The following INPP4A variants were observed in gnomAD, a reference collection of about 807,000 sequenced individuals.
The protein encoded by INPP4A is inositol polyphosphate-4-phosphatase type I A.
INPP4A carries 33 observed loss-of-function variants against 119.8 expected under a neutral mutation model. The ratio of observed to expected loss-of-function variants is 0.28; its 90% CI spans 0.21 to 0.37. The LOEUF (loss-of-function observed/expected upper bound fraction) is 0.37, where lower values mean the gene tolerates loss of function less well. INPP4A is among the 10% of genes least tolerant of loss of function. INPP4A has a pLI of 1.00. For missense variants in INPP4A, 956 were observed against 1,289.9 expected, an observed-to-expected ratio of 0.74 and a Z score of 3.97; for synonymous variants, 496 against 500.7, an observed-to-expected ratio of 0.99 and a Z score of 0.12.
chr2:98,587,535 A>G lies in INPP4A; in HGVS notation c.2846A>G (p.Asn949Ser). ...GTTGGAAGTCGCAAATATGCATTTA[A>G]TTCCCTGCAGCTGAAGGCTTTCCCC... ...KNVGSRKYAF[N>S]SLQLKAFPKH... The change falls in exon 25 of 25, where the codon AAT (asparagine) becomes AGT (serine). Residue 949 changes from asparagine (N) to serine (S), a missense_variant. Coordinates refer to ENST00000409851, the MANE Select transcript of INPP4A (RefSeq NM_001134225.2). 3.7e-6 allele frequency: 6 copies of G among 1,611,018 alleles called. No homozygotes were observed. The highest frequency in any genetic ancestry group is 5.1e-6 in the Non-Finnish European group (6 of 1,179,000).
At chr2:98,545,930 A>G (rs1692401462) in intron 11 of INPP4A, 39 bp from the exon 12 acceptor site, 1 of 1,434,144 alleles carries the variant, frequency 7.0e-7, no homozygotes, top group Non-Finnish European at 9.6e-7. Flanking sequence ...TGCAGCATGT[A>G]TGCTGATGGC....
chr2:98,468,833 A>G (rs72821907), intron 1 of INPP4A, among the ~76,000 whole-genome samples: 35,223 of 152,020 alleles, frequency 0.23, 4,344 homozygotes, highest in Middle Eastern at 0.32. Context: ...GAGAGACCCA[A>G]AGTCTCTACA....
chr2:98,543,020 C>T (rs560329639), intron 10 of INPP4A, among the ~76,000 whole-genome samples: 3 of 152,032 alleles, frequency 2.0e-5, no homozygotes, highest in Non-Finnish European at 2.9e-5. Context: ...CCCAGGTTCA[C>T]GCCATTCTCC....
chr2:98,525,145 C>T (rs1687950278), intron 4 of INPP4A, among the ~76,000 whole-genome samples: 1 of 152,134 alleles, frequency 6.6e-6, no homozygotes, highest in Non-Finnish European at 1.5e-5. Context: ...AATTTTAGGA[C>T]TCCATTTTTT....
chr2:98,477,135 C>T (rs1677395209), intron 1 of INPP4A, among the ~76,000 whole-genome samples: 1 of 152,248 alleles, frequency 6.6e-6, no homozygotes, highest in Admixed American at 6.5e-5. Context: ...TTCTGTAACA[C>T]CCATTTCAGG....
rs1183384781 is a variant in INPP4A at position 98,588,206 on chromosome 2, A to G, written c.*598A>G. On this transcript the variant is annotated 3_prime_UTR_variant, in exon 25 of 25. Coordinates refer to ENST00000409851, the MANE Select transcript of INPP4A (RefSeq NM_001134225.2). ...GATTGATAAATCAACGGGAGATAAG[A>G]CTTTATTAGAAGGTAACACCTGCAA... is the stretch of plus-strand genomic sequence containing the variant. The G allele has an allele frequency of 4.8e-6, 1 of 210,088 alleles. No homozygotes were observed. 13.0% of individuals were successfully genotyped at this position (210,088 alleles called of 1,614,324 possible).
At chr2:98,470,568 A>T (rs1008390825) in intron 1 of INPP4A, among the ~76,000 whole-genome samples, 2 of 152,196 alleles carry the variant, frequency 1.3e-5, no homozygotes, top group Non-Finnish European at 2.9e-5. Context: ...CACAGGAAGA[A>T]GTGGTGCTGA....
intron 1 of INPP4A, among the ~76,000 whole-genome samples, chr2:98,450,217 GAGGAGTGGTTAGAGCA>G (rs1413784053): frequency 1.6e-4 from 25 of 152,258 alleles, no homozygotes; most frequent in East Asian, 9.7e-4. Flanking sequence ...CTGTGGTGTT[GAGGAGTGGTTAGAGCA>G]TCCCCCGAGG....
intron 1 of INPP4A, among the ~76,000 whole-genome samples, chr2:98,498,149 A>G (rs1285960324): frequency 6.6e-6 from 1 of 152,028 alleles, no homozygotes; most frequent in African/African-American, 2.4e-5. Flanking sequence ...GTGGAATGAT[A>G]TGGTTTGGCT....
At chr2:98,572,655 C>T (rs1697675236) in intron 22 of INPP4A, among the ~76,000 whole-genome samples, 160 bp from the exon 23 acceptor site, 1 of 152,198 alleles carries the variant, frequency 6.6e-6, no homozygotes, top group Non-Finnish European at 1.5e-5. Flanking sequence ...CTCACCACAC[C>T]AGCAGCCATG....
intron 1 of INPP4A, among the ~76,000 whole-genome samples, chr2:98,508,054 G>T (rs1429231908): frequency 6.6e-6 from 1 of 152,188 alleles, no homozygotes; most frequent in African/African-American, 2.4e-5. Context: ...TGGCTGGGAT[G>T]TGGGCCGCCC....
Position 98,546,577 on chromosome 2 carries a change from G to C in INPP4A, c.1055-9G>C. ...CCAGAGTAATGGAGGAGAGCTTTCT[G>C]TCATTCAGATCAGAACTACGACATC... On this transcript the variant is annotated splice_polypyrimidine_tract_variant and intron_variant, in intron 12 of 24. Transcript: ENST00000409851. This position sits in a 1 kb window ranked among gnomAD's most constrained non-coding sequence, Gnocchi z 4.2. 1.2e-6 allele frequency: 2 copies of C among 1,605,408 alleles called. No individual in the cohort carries two copies. The highest frequency in any genetic ancestry group is 3.3e-5 in the Admixed American group (2 of 59,912).
At chr2:98,529,136 G>A (rs1688723244) in intron 4 of INPP4A, among the ~76,000 whole-genome samples, 1 of 151,730 alleles carries the variant, frequency 6.6e-6, no homozygotes, top group Admixed American at 6.6e-5. Context: ...TGAATAAGCA[G>A]TATGTGGTGT....
At position 98,485,588 on chromosome 2, in the gene INPP4A, G is replaced by A. The variant is rs556635316; in HGVS notation, c.-165-33376G>A. On this transcript the variant is annotated intron_variant, in intron 1 of 24. Coordinates refer to ENST00000409851, the MANE Select transcript of INPP4A (RefSeq NM_001134225.2). ...CCTCCGAGACTCAGGGCTCACTCTC[G>A]CTTCGGGAACACTAATGCAACTCTT... Among the ~76,000 whole-genome samples, 213 of 152,208 alleles carry A rather than the reference G, an allele frequency of 1.4e-3. 1 individual carries two copies. The highest frequency in any genetic ancestry group is 5.0e-3 in the African/African-American group (207 of 41,528).
At chr2:98,473,430 A>G (rs1325156648) in intron 1 of INPP4A, among the ~76,000 whole-genome samples, 1 of 127,412 alleles carries the variant, frequency 7.8e-6, no homozygotes, top group Non-Finnish European at 1.7e-5. Flanking sequence ...GGGCAGTGTG[A>G]GGACAGTGGA....
At chr2:98,462,057 C>CTTAATTAA (rs1697260825) in intron 1 of INPP4A, among the ~76,000 whole-genome samples, 1 of 152,220 alleles carries the variant, frequency 6.6e-6, no homozygotes, top group Admixed American at 6.5e-5. Flanking sequence ...TAAGCTTCTG[C>CTTAATTAA]CCGTTTATTT....
intron 13 of INPP4A, chr2:98,548,966 G>A: frequency 6.2e-7 from 1 of 1,612,296 alleles, no homozygotes; most frequent in Non-Finnish European, 8.5e-7. Context: ...TTTGAGGAGT[G>A]TTGGTGAGTT....
At chr2:98,505,138 G>T (rs1409912451) in intron 1 of INPP4A, among the ~76,000 whole-genome samples, 1 of 152,220 alleles carries the variant, frequency 6.6e-6, no homozygotes, top group Non-Finnish European at 1.5e-5. Context: ...CCAAAAGTTG[G>T]CTTAATGGTT....
rs746694630 is a variant in INPP4A at position 98,568,601 on chromosome 2, C to T, written c.2451C>T (p.Ile817=). Residue 817 remains isoleucine, a synonymous_variant, in exon 22 of 25, where the codon ATC becomes ATT. Transcript: ENST00000409851. ...GCGATACGTCTTTACAAGAAGTCAT[C>T]AACGTGGAGAGTTTGGTGCGGTTAA... ...RFGDTSLQEV[I]NVESLVRLNS... 1 of 1,602,628 alleles carries T rather than the reference C, an allele frequency of 6.2e-7. No individual in the cohort carries two copies. Among genetic ancestry groups the T allele is most frequent in the African/African-American group, 1.3e-5 (1 of 74,948 alleles).
Sources: allele counts gnomAD v4.1 joint callset (sites outside exome capture counted in the v4.1 genomes callset), GRCh38; gene constraint gnomAD v4.1.1; non-coding constraint Gnocchi (gnomAD v3.1); transcripts MANE v1.5; gene names NCBI Gene and HGNC (gene_info 2026-07-23, HGNC 2026-07-21).